Variants in MGST1 observed in about 807,000 individuals in gnomAD.
MGST1 encodes glutathione S-transferase 12.
A neutral mutation model predicts 8.9 loss-of-function variants in MGST1; 5 were observed. That is an observed-to-expected ratio of 0.56 (90% CI 0.29 to 1.19). The LOEUF (loss-of-function observed/expected upper bound fraction) is 1.19. Among genes scored for constraint, MGST1 ranks in the 50% most tolerant of loss-of-function variants. MGST1 has a pLI of 0.08. For synonymous variants in MGST1, 54 were observed against 67.8 expected (o/e 0.80, Z 1.00); for missense variants, 182 against 187.4 (o/e 0.97, Z 0.17).
chr12:16,591,633 C>T (rs995420143), downstream of MGST1, among the ~76,000 whole-genome samples: 1 of 151,922 alleles, frequency 6.6e-6, no homozygotes, highest in African/African-American at 2.4e-5. This position sits in a 1 kb window ranked among gnomAD's most constrained non-coding sequence, Gnocchi z 4.1. Context: ...GATTGTTTTG[C>T]AAGAGGTATC....
At chr12:16,452,291 C>T (rs902612605) in intron 4 of MGST1, among the ~76,000 whole-genome samples, 1 of 151,484 alleles carries the variant, frequency 6.6e-6, no homozygotes, top group Admixed American at 6.6e-5. Context: ...TAAGAGAACC[C>T]TATGTTTTTG....
chr12:16,573,483 C>G (rs1942890613), intron 4 of MGST1: 1 of 152,122 alleles, frequency 6.6e-6, no homozygotes, highest in Non-Finnish European at 1.5e-5. Context: ...AAAGTACTAA[C>G]CTACTAGTTA....
At chr12:16,524,402 A>G (rs1469049017) in intron 4 of MGST1, among the ~76,000 whole-genome samples, 1 of 152,060 alleles carries the variant, frequency 6.6e-6, no homozygotes, top group African/African-American at 2.4e-5. Flanking sequence ...TATTTCTCCA[A>G]TGTGTACCTT....
At position 16,586,707 on chromosome 12, in the gene MGST1, T is replaced by C. The variant is rs1444911040; in HGVS notation, n.483-2821T>C. On this transcript the variant is annotated intron_variant and non_coding_transcript_variant, in intron 4 of 4. Transcript: ENST00000538857. The surrounding 1 kb of genome is among the most constrained non-coding windows in gnomAD (Gnocchi z 4.3). ...AAGATACACATCTTTTGACCCCCCATTGCAGTAGATGATGTTTTTTTCCAT... is the reference window on the plus strand; with the variant it reads ...AAGATACACATCTTTTGACCCCCCACTGCAGTAGATGATGTTTTTTTCCAT... Among the ~76,000 whole-genome samples, 2 of 152,166 alleles carry C rather than the reference T, an allele frequency of 1.3e-5. No individual in the cohort carries two copies. The highest frequency in any genetic ancestry group is 2.9e-5 in the Non-Finnish European group (2 of 68,024).
At chr12:16,522,072 G>C (rs1941651549) in intron 4 of MGST1, among the ~76,000 whole-genome samples, 1 of 152,116 alleles carries the variant, frequency 6.6e-6, no homozygotes, top group South Asian at 2.1e-4. Flanking sequence ...CCCAACATGA[G>C]AGGCGCTTCA....
At chr12:16,440,849 A>G (rs1417206905), downstream of MGST1, among the ~76,000 whole-genome samples, 2 of 151,836 alleles carry the variant, frequency 1.3e-5, no homozygotes, top group Non-Finnish European at 1.5e-5. Flanking sequence ...TAAATATGAG[A>G]GTTCTAGTTT....
At chr12:16,526,780 G>C (rs1234992943) in intron 4 of MGST1, among the ~76,000 whole-genome samples, 1 of 151,992 alleles carries the variant, frequency 6.6e-6, no homozygotes, top group Non-Finnish European at 1.5e-5. Flanking sequence ...AGTGAGCCAG[G>C]AAGGGAGAAG....
chr12:16,581,470 A>G (rs1943157581), intron 4 of MGST1, among the ~76,000 whole-genome samples: 1 of 152,214 alleles, frequency 6.6e-6, no homozygotes, highest in South Asian at 2.1e-4. Flanking sequence ...ATACTAAAAT[A>G]TAAGATACAT....
chr12:16,481,133 A>C (rs1415343781), intron 4 of MGST1, among the ~76,000 whole-genome samples: 1 of 152,130 alleles, frequency 6.6e-6, no homozygotes, highest in Non-Finnish European at 1.5e-5. Flanking sequence ...CCTCACCAAA[A>C]CAAACAAACA....
chr12:16,546,950 T>C lies in MGST1; in HGVS notation n.483-42578T>C, dbSNP rs987982536. On this transcript the variant is annotated intron_variant and non_coding_transcript_variant, in intron 4 of 4. Coordinates refer to the MGST1 transcript ENST00000538857. This position sits in a 1 kb window ranked among gnomAD's most constrained non-coding sequence, Gnocchi z 4.7. Reference sequence around the variant, plus strand: ...AGTTACTGAAATTAAATCGTGTGTATACTAAAGCGTTGTAAAATTGACTCA... The same window carrying C: ...AGTTACTGAAATTAAATCGTGTGTACACTAAAGCGTTGTAAAATTGACTCA... Among the ~76,000 whole-genome samples, 3 of 152,188 alleles carry C rather than the reference T, an allele frequency of 2.0e-5. No individual in the cohort carries two copies. Among genetic ancestry groups the C allele is most frequent in the Non-Finnish European group, 4.4e-5 (3 of 68,028 alleles).
chr12:16,402,318 AC>A, intron 1 of MGST1: 1 of 1,595,988 alleles, frequency 6.3e-7, no homozygotes, highest in South Asian at 1.1e-5. Flanking sequence ...CACTGATGCA[AC>A]AATGGCTCAA....
At chr12:16,551,792 T>G (rs545797150) in intron 4 of MGST1, among the ~76,000 whole-genome samples, 1 of 152,166 alleles carries the variant, frequency 6.6e-6, no homozygotes, top group African/African-American at 2.4e-5. Flanking sequence ...AATAGCCTAT[T>G]TTAAAGCTTC....
chr12:16,528,737 CTT>C (rs528444109), intron 4 of MGST1, among the ~76,000 whole-genome samples: 35 of 152,144 alleles, frequency 2.3e-4, no homozygotes, highest in Admixed American at 8.5e-4. Flanking sequence ...CTACTCATCA[CTT>C]AGCCTGGGAA....
At chr12:16,502,700 C>T (rs1237427766) in intron 4 of MGST1, among the ~76,000 whole-genome samples, 2 of 152,146 alleles carry the variant, frequency 1.3e-5, no homozygotes, top group Non-Finnish European at 2.9e-5. Context: ...AGAAAACAAA[C>T]TGAATCCTTC....
At chr12:16,519,496 C>A (rs1397130625) in intron 4 of MGST1, among the ~76,000 whole-genome samples, 2 of 152,156 alleles carry the variant, frequency 1.3e-5, no homozygotes, top group African/African-American at 4.8e-5. Context: ...AGCTGGCATT[C>A]AAGTATATGC....
intron 1 of MGST1, chr12:16,437,255 T>C (rs896130490): frequency 6.6e-6 from 1 of 151,962 alleles, no homozygotes; most frequent in African/African-American, 2.4e-5. Flanking sequence ...GGAGAAAATT[T>C]ATAGACCAGA....
chr12:16,559,678 T>G lies in MGST1; in HGVS notation n.483-29850T>G, dbSNP rs912986293. Among the ~76,000 whole-genome samples the G allele has an allele frequency of 1.1e-4, 16 of 151,344 alleles. No homozygotes were observed. The South Asian group carries it at 3.3e-3, about 32-fold the overall frequency. ...GGTAAACAGCTAGATTGGGTGGGGGTGGTGGCTCATGCCTATAATCCCTGC... is the reference window on the plus strand; with the variant it reads ...GGTAAACAGCTAGATTGGGTGGGGGGGGTGGCTCATGCCTATAATCCCTGC... On this transcript the variant is annotated intron_variant and non_coding_transcript_variant, in intron 4 of 4. Coordinates refer to the MGST1 transcript ENST00000538857. The surrounding 1 kb of genome is among the most constrained non-coding windows in gnomAD (Gnocchi z 4.1).
chr12:16,577,795 G>A (rs147912131), intron 4 of MGST1, among the ~76,000 whole-genome samples: 125 of 152,262 alleles, frequency 8.2e-4, no homozygotes, highest in Non-Finnish European at 1.3e-3. Flanking sequence ...TATTCAGGTT[G>A]CCCATGATGG....
At chr12:16,480,791 C>T (rs1178518851) in intron 4 of MGST1, among the ~76,000 whole-genome samples, 1 of 152,092 alleles carries the variant, frequency 6.6e-6, no homozygotes, top group Non-Finnish European at 1.5e-5. Context: ...CATCCTTTGG[C>T]TAGGCCTGGT....
Sources: allele counts gnomAD v4.1 joint callset (sites outside exome capture counted in the v4.1 genomes callset), GRCh38; gene constraint gnomAD v4.1.1; non-coding constraint Gnocchi (gnomAD v3.1); transcripts MANE v1.5; gene names NCBI Gene and HGNC (gene_info 2026-07-23, HGNC 2026-07-21).